PKHD1: variants seen among roughly 807,000 people sequenced by gnomAD.
The protein encoded by PKHD1 is PKHD1 ciliary IPT domain containing fibrocystin/polyductin, also known as fibrocystin.
Under a neutral mutation model 412.0 loss-of-function variants are expected in PKHD1, and 291 were observed. That is an observed-to-expected ratio of 0.71 (90% CI 0.64 to 0.78). PKHD1 has a LOEUF of 0.78. Among genes scored for constraint, PKHD1 ranks in the 30% least tolerant of loss-of-function variants. PKHD1 has a pLI of 0.00. For synonymous variants in PKHD1, 1,777 were observed against 1,821.5 expected (o/e 0.98, Z 0.62); for missense variants, 4,825 against 4,950.7 (o/e 0.97, Z 0.76).
intron 50 of PKHD1, among the ~76,000 whole-genome samples, chr6:51,840,847 G>C (rs1207571334): frequency 6.6e-6 from 1 of 152,008 alleles, no homozygotes; most frequent in African/African-American, 2.4e-5. Context: ...ATATTCCCAA[G>C]ATGTTAAATG....
At chr6:51,773,265 T>C (rs981749656) in intron 54 of PKHD1, among the ~76,000 whole-genome samples, 3 of 151,996 alleles carry the variant, frequency 2.0e-5, no homozygotes, top group African/African-American at 7.2e-5. Context: ...TTTTGTCTTA[T>C]AAATATCAAG....
In PKHD1 at chr6:52,071,083, C is replaced by T; in HGVS notation, c.603-13G>A. ...CTGAATAGGATAACTAAGGAAAAGACAAACTGAGGTAAGAATGACCAGACA... is the reference window on the plus strand; with the variant it reads ...CTGAATAGGATAACTAAGGAAAAGATAAACTGAGGTAAGAATGACCAGACA... On this transcript the variant is annotated splice_polypyrimidine_tract_variant and intron_variant, in intron 8 of 66. Transcript: ENST00000371117. The T allele has an allele frequency of 6.4e-7, 1 of 1,560,298 alleles. No homozygotes were observed. Among genetic ancestry groups the T allele is most frequent in the Non-Finnish European group, 8.8e-7 (1 of 1,131,110 alleles).
intron 43 of PKHD1, among the ~76,000 whole-genome samples, chr6:51,892,389 C>T (rs889446995): frequency 2.0e-5 from 3 of 152,130 alleles, no homozygotes; most frequent in African/African-American, 4.8e-5. Context: ...TTGTTCCCTA[C>T]GGAACATTTA....
chr6:51,639,601 C>CA (rs34787950), intron 63 of PKHD1, among the ~76,000 whole-genome samples: 6,489 of 150,492 alleles, frequency 0.043, 235 homozygotes, highest in African/African-American at 0.093. Context: ...AAAACAAAAA[C>CA]AAAAAAAAAC....
At chr6:51,780,990 A>G (rs1476001183) in intron 53 of PKHD1, among the ~76,000 whole-genome samples, 1 of 152,184 alleles carries the variant, frequency 6.6e-6, no homozygotes, top group Non-Finnish European at 1.5e-5. Context: ...TACCCCCAAA[A>G]TAAATTTCGT....
chr6:51,994,128 T>A (rs1412002174), intron 35 of PKHD1, among the ~76,000 whole-genome samples: 1 of 143,226 alleles, frequency 7.0e-6, no homozygotes, highest in Non-Finnish European at 1.5e-5. Flanking sequence ...ACAGAACACT[T>A]TTTTTCTTTC....
At chr6:51,739,634 T>G (rs967877088) in intron 60 of PKHD1, among the ~76,000 whole-genome samples, 1 of 152,268 alleles carries the variant, frequency 6.6e-6, no homozygotes, top group South Asian at 2.1e-4. Context: ...AATGTTGTTT[T>G]GCTCATTGCT....
chr6:52,070,898 A>G (rs1810513014), intron 9 of PKHD1, 108 bp downstream of exon 9: 3 of 749,916 alleles, frequency 4.0e-6, no homozygotes, highest in Non-Finnish European at 7.3e-6. Context: ...AATAGTAATT[A>G]TTGTTATTAT....
Position 51,813,952 on chromosome 6 carries a change from G to GA in PKHD1, c.8302+16908dup, listed in dbSNP as rs1019470832. On this transcript the variant is annotated intron_variant, in intron 52 of 66. Transcript: ENST00000371117. ...CCTGATTCTCCATTTCCTTTGGAGG[G>GA]AAAAAAAAAGTCCACATTTCTCACA... Among the ~76,000 whole-genome samples the GA allele has an allele frequency of 1.7e-4, 25 of 151,120 alleles. 1 individual carries two copies. In the South Asian group the frequency reaches 3.8e-3, roughly 23 times the overall value.
At chr6:52,032,573 A>G (rs1803221197) in intron 29 of PKHD1, among the ~76,000 whole-genome samples, 1 of 152,220 alleles carries the variant, frequency 6.6e-6, no homozygotes, top group Non-Finnish European at 1.5e-5. Flanking sequence ...GTTAACTACA[A>G]GTAGATAAGT....
intron 35 of PKHD1, among the ~76,000 whole-genome samples, chr6:51,962,064 G>T (rs1460925662): frequency 6.6e-6 from 1 of 152,042 alleles, no homozygotes; most frequent in African/African-American, 2.4e-5. Context: ...ATCTTTAAAA[G>T]GAACCAAGAT....
chr6:51,996,222 G>A (rs539011584), intron 35 of PKHD1, among the ~76,000 whole-genome samples: 2 of 147,598 alleles, frequency 1.4e-5, no homozygotes, highest in East Asian at 4.0e-4. Context: ...CATTGGCCAG[G>A]ATAGTCTCGA....
chr6:51,668,718 C>T (rs2150482929), intron 60 of PKHD1, among the ~76,000 whole-genome samples: 1 of 152,232 alleles, frequency 6.6e-6, no homozygotes, highest in East Asian at 1.9e-4. Context: ...GAGATACGTC[C>T]CATCAATACC....
chr6:51,849,853 C>A (rs935850990), intron 49 of PKHD1, among the ~76,000 whole-genome samples: 21 of 152,194 alleles, frequency 1.4e-4, no homozygotes, highest in Admixed American at 5.2e-4. Flanking sequence ...TGCTTGTTCA[C>A]TCTGATGATA....
intron 36 of PKHD1, among the ~76,000 whole-genome samples, chr6:51,947,308 C>T (rs1289946184): frequency 6.6e-6 from 1 of 152,126 alleles, no homozygotes; most frequent in African/African-American, 2.4e-5. Context: ...TTTAAAAAAT[C>T]CAATGTTTCT....
chr6:51,715,870 T>C (rs1422230695), intron 60 of PKHD1, among the ~76,000 whole-genome samples: 1 of 152,092 alleles, frequency 6.6e-6, no homozygotes, highest in Non-Finnish European at 1.5e-5. Flanking sequence ...AAACAGCAAA[T>C]TCAAGACAGT....
At chr6:51,847,716 G>T in intron 50 of PKHD1, 59 bp downstream of exon 50, 1 of 1,180,580 alleles carries the variant, frequency 8.5e-7, no homozygotes, top group Non-Finnish European at 1.3e-6. Context: ...TGGAATTGAA[G>T]GGTGATTGGT....
chr6:52,023,054 C>A (rs1801641438), intron 32 of PKHD1, 110 bp from the exon 33 acceptor site: 13 of 1,283,730 alleles, frequency 1.0e-5, no homozygotes, highest in African/African-American at 1.5e-5. Context: ...TTTTCACATC[C>A]TCAGAATCCG....
intron 21 of PKHD1, among the ~76,000 whole-genome samples, chr6:52,051,252 G>A (rs1487128221): frequency 6.6e-6 from 1 of 152,198 alleles, no homozygotes; most frequent in African/African-American, 2.4e-5. Context: ...GGGATAACAG[G>A]ACCAACTCAT....
Sources: gnomAD v4.1 joint callset for allele counts (sites outside exome capture counted in the v4.1 genomes callset) on GRCh38, gnomAD v4.1.1 for gene constraint, MANE v1.5 for transcripts, NCBI Gene and HGNC (gene_info 2026-07-23, HGNC 2026-07-21) for gene names.